The following MGP variants were observed in gnomAD, a reference collection of about 807,000 sequenced individuals.
MGP encodes matrix Gla protein, also known as cell growth-inhibiting gene 36 protein.
Under a neutral mutation model 14.5 loss-of-function variants are expected in MGP, and 13 were observed. That is an observed-to-expected ratio of 0.89 (90% CI 0.58 to 1.42). The LOEUF (loss-of-function observed/expected upper bound fraction) is 1.42. MGP is among the 40% of genes most tolerant of loss of function. The probability of loss-of-function intolerance (pLI) is 0.00; values close to 1 mark genes in which losing one functional copy is unlikely to be tolerated. For missense variants in MGP, 128 were observed against 133.7 expected (o/e 0.96, Z 0.21); for synonymous variants, 44 against 46.3 (o/e 0.95, Z 0.20).
Position 14,883,256 on chromosome 12 carries a change from G to A in MGP, c.95-209C>T, listed in dbSNP as rs1863401784. On this transcript the variant is annotated intron_variant, in intron 2 of 3. Coordinates refer to ENST00000539261, the MANE Select transcript of MGP (RefSeq NM_000900.5). ...CAGTAATCAATCCATGTGTCTTAGA[G>A]ACTTGTCATATAGGCTTTGTTGGTT... is the stretch of plus-strand genomic sequence containing the variant. The A allele has an allele frequency of 9.4e-6, 5 of 533,044 alleles. No individual in the cohort carries two copies. In the Admixed American group the frequency reaches 1.1e-4, roughly 12 times the overall value. The allele number at this position is 533,044 out of a possible 1,614,324, so 33.0% of individuals were successfully genotyped here.
At chr12:14,882,842 T>C in intron 3 of MGP, 130 bp downstream of exon 3, 1 of 713,402 alleles carries the variant, frequency 1.4e-6, no homozygotes, top group East Asian at 2.7e-5. Flanking sequence ...AATATTGCTT[T>C]TAAGTTTTTT....
Position 14,885,715 on chromosome 12 carries a change from G to A in MGP, c.61+16C>T, listed in dbSNP as rs145159570. 6.8e-5 allele frequency: 110 copies of A among 1,608,880 alleles called. No homozygotes were observed. Among genetic ancestry groups the A allele is most frequent in the Middle Eastern group, 1.6e-4 (1 of 6,062 alleles). ...CAGAAAAGTAAACACAGAGAAATGGGAGAAAAGTTTCTCACCATAACACAA... is the reference window on the plus strand; with the variant it reads ...CAGAAAAGTAAACACAGAGAAATGGAAGAAAAGTTTCTCACCATAACACAA... On this transcript the variant is annotated intron_variant, in intron 1 of 3. Transcript: ENST00000539261.
intron 1 of MGP, 26 bp from the exon 2 acceptor site, chr12:14,884,271 T>A (rs748263843): frequency 7.7e-7 from 1 of 1,291,356 alleles, no homozygotes; most frequent in Non-Finnish European, 1.1e-6. Flanking sequence ...AAAGATTCAT[T>A]ATATCAATAT....
intron 2 of MGP, 82 bp from the exon 3 acceptor site, chr12:14,883,129 A>G: frequency 9.0e-7 from 1 of 1,108,342 alleles, no homozygotes; most frequent in South Asian, 1.3e-5. Context: ...ACACAAATAT[A>G]TTTGAAAGTG....
chr12:14,885,465 T>C (rs1863428043), intron 1 of MGP, among the ~76,000 whole-genome samples: 1 of 152,238 alleles, frequency 6.6e-6, no homozygotes. Context: ...ATCTTCTTTC[T>C]GAAATATGAG....
chr12:14,882,019 G>T lies in MGP; in HGVS notation c.*120C>A. On this transcript the variant is annotated 3_prime_UTR_variant, in exon 4 of 4. Coordinates refer to ENST00000539261, the MANE Select transcript of MGP (RefSeq NM_000900.5). The stretch of plus-strand genomic sequence containing the variant: ...GAAAAAGGGGTGCAGCCAGACAAGA[G>T]AATATACAGGAAAGAAGCATTGTAT... The T allele has an allele frequency of 1.5e-6, 2 of 1,294,984 alleles. No individual in the cohort carries two copies. The highest frequency in any genetic ancestry group is 2.2e-6 in the Non-Finnish European group (2 of 900,858). The allele number at this position is 1,294,984 out of a possible 1,614,324, so 80.2% of individuals were successfully genotyped here.
intron 2 of MGP, 85 bp downstream of exon 2, chr12:14,884,128 A>G (rs1403854859): frequency 5.3e-6 from 6 of 1,124,566 alleles, no homozygotes; most frequent in Middle Eastern, 2.1e-4. Context: ...TCCCTGTTAT[A>G]TATCTTTCCA....
At chr12:14,884,269 AT>A in intron 1 of MGP, 24 bp from the exon 2 acceptor site, 2 of 1,305,102 alleles carry the variant, frequency 1.5e-6, no homozygotes, top group Non-Finnish European at 2.2e-6. Context: ...AAAAAGATTC[AT>A]TATATCAATA....
At chr12:14,883,448 A>G (rs1223348283) in intron 2 of MGP, 3 of 227,478 alleles carry the variant, frequency 1.3e-5, no homozygotes, top group Admixed American at 5.1e-5. Flanking sequence ...TAAATTAAAA[A>G]TGAGAGTGAT....
Position 14,885,831 on chromosome 12 carries a change from AGCAGTAGGGAGAGAGGC to A in MGP, c.-57_-41del. On this transcript the variant is annotated 5_prime_UTR_variant, in exon 1 of 4. It adds an upstream start codon to the 5' untranslated region. Coordinates refer to ENST00000539261, the MANE Select transcript of MGP (RefSeq NM_000900.5). ...GGTCAGTCTCAGGGTCTTGTGTAGC[AGCAGTAGGGAGAGAGGC>A]TCCTACGGGATGTTAGTGGAAGGCT... 1 of 1,570,082 alleles carries A rather than the reference AGCAGTAGGGAGAGAGGC, an allele frequency of 6.4e-7. No homozygotes were observed. The highest frequency in any genetic ancestry group is 1.1e-5 in the South Asian group (1 of 89,882).
chr12:14,884,003 A>G (rs1180254970), intron 2 of MGP: 2 of 405,758 alleles, frequency 4.9e-6, no homozygotes, highest in East Asian at 8.4e-5. Context: ...TGTCGCCTGT[A>G]GCTTAAATCC....
In MGP at chr12:14,885,714, G is replaced by A; in HGVS notation, c.61+17C>T. 6.2e-7 allele frequency: 1 copy of A among 1,607,552 alleles called. No homozygotes were observed. The highest frequency in any genetic ancestry group is 8.5e-7 in the Non-Finnish European group (1 of 1,174,464). ...GCAGAAAAGTAAACACAGAGAAATG[G>A]GAGAAAAGTTTCTCACCATAACACA... On this transcript the variant is annotated intron_variant, in intron 1 of 3. Coordinates refer to ENST00000539261, the MANE Select transcript of MGP (RefSeq NM_000900.5).
chr12:14,884,836 G>T (rs1863421225), intron 1 of MGP: 30 of 1,534,858 alleles, frequency 2.0e-5, no homozygotes, highest in Non-Finnish European at 2.6e-5. Flanking sequence ...CCAGTTCAGA[G>T]AGAGAACTGA....
intron 1 of MGP, among the ~76,000 whole-genome samples, chr12:14,884,626 G>C (rs1863418798): frequency 6.6e-6 from 1 of 152,160 alleles, no homozygotes; most frequent in Non-Finnish European, 1.5e-5. Context: ...GAGCCTGTTT[G>C]AGAACAGGGT....
Position 14,885,735 on chromosome 12 carries a change from A to C in MGP, c.57T>G (p.Cys19Trp). ...AATGGGAGAAAAGTTTCTCACCATA[A>C]CACAAAGTTACTACCGCTAAGGCGG... ...ILAALAVVTL[C>W]YESHESMESY... Residue 19 changes from cysteine to tryptophan, a missense_variant, in exon 1 of 4, where the codon TGT (cysteine) becomes TGG (tryptophan). Coordinates refer to ENST00000539261, the MANE Select transcript of MGP (RefSeq NM_000900.5). 1 of 1,613,546 alleles carries C rather than the reference A, an allele frequency of 6.2e-7. No individual in the cohort carries two copies. The highest frequency in any genetic ancestry group is 2.2e-5 in the East Asian group (1 of 44,860).
At position 14,882,254 on chromosome 12, in the gene MGP, T is replaced by C. The variant is rs1398252184; in HGVS notation, c.197A>G (p.His66Arg). The change falls in exon 4 of 4, where the codon CAC (histidine) becomes CGC (arginine). Residue 66 changes from histidine to arginine, a missense_variant. Physicochemically the swap from His to Arg is conservative, Grantham distance 29. Transcript: ENST00000539261. ...ATCACAGGCTTCCCTATTGAGCTCG[T>C]GGACAGGCTTAGAGCGTTCTCGGAT... Reference protein sequence around the residue: ...ERIRERSKPVHELNREACDDY... With the variant: ...ERIRERSKPVRELNREACDDY... 1 of 1,613,970 alleles carries C rather than the reference T, an allele frequency of 6.2e-7. No homozygotes were observed. The highest frequency in any genetic ancestry group is 1.3e-5 in the African/African-American group (1 of 74,866).
intron 1 of MGP, among the ~76,000 whole-genome samples, chr12:14,884,459 G>A (rs1863417046): frequency 6.6e-6 from 1 of 152,096 alleles, no homozygotes; most frequent in Non-Finnish European, 1.5e-5. Context: ...GCCTTGCTGT[G>A]GATATCTCTA....
rs777484287 is a variant in MGP at position 14,882,225 on chromosome 12, A to G, written c.226T>C (p.Tyr76His). 5 of 1,614,098 alleles carry G rather than the reference A, an allele frequency of 3.1e-6. No individual in the cohort carries two copies. The East Asian group carries it at 6.7e-5, about 22-fold the overall frequency. Reference protein sequence around the residue: ...HELNREACDDYRLCERYAMVY... With the variant: ...HELNREACDDHRLCERYAMVY... ...ATGGCGTAGCGTTCGCAAAGTCTGT[A>G]GTCATCACAGGCTTCCCTATTGAGC... Residue 76 changes from tyrosine to histidine, a missense_variant, in exon 4 of 4, where the codon TAC (tyrosine) becomes CAC (histidine). Coordinates refer to ENST00000539261, the MANE Select transcript of MGP (RefSeq NM_000900.5).
chr12:14,883,279 G>T, intron 2 of MGP: 1 of 485,854 alleles, frequency 2.1e-6, no homozygotes, highest in Non-Finnish European at 3.8e-6. Context: ...GGCTTTGTTG[G>T]TTTTGAGTTT....
Sources: allele counts gnomAD v4.1 joint callset (sites outside exome capture counted in the v4.1 genomes callset), GRCh38; gene constraint gnomAD v4.1.1; transcripts MANE v1.5; gene names NCBI Gene and HGNC (gene_info 2026-07-23, HGNC 2026-07-21).